The following RGS7 variants were observed in gnomAD, a reference collection of about 807,000 sequenced individuals.
RGS7 encodes regulator of G-protein signaling 7.
Under a neutral mutation model 81.1 loss-of-function variants are expected in RGS7, and 27 were observed. That is an observed-to-expected ratio of 0.33 (90% CI 0.25 to 0.46). The LOEUF (loss-of-function observed/expected upper bound fraction) is 0.46, where lower values mean the gene tolerates loss of function less well. Ranked by LOEUF, RGS7 falls within the 20% of genes least tolerant of loss-of-function variation. The pLI, the probability that RGS7 is intolerant of heterozygous loss-of-function variation, is 1.00. For synonymous variants in RGS7, 208 were observed against 207.7 expected, an observed-to-expected ratio of 1.00 and a Z score of -0.01; for missense variants, 396 against 607.4, an observed-to-expected ratio of 0.65 and a Z score of 3.66.
At chr1:240,949,710 T>C (rs189287081) in intron 4 of RGS7, among the ~76,000 whole-genome samples, 33 of 151,638 alleles carry the variant, frequency 2.2e-4, no homozygotes, top group African/African-American at 7.5e-4. Flanking sequence ...TAGCAGGGCG[T>C]GGTGGTGCAT....
chr1:240,855,348 G>C lies in RGS7; in HGVS notation c.609+13239C>G, dbSNP rs1660909985. Among the ~76,000 whole-genome samples the C allele has an allele frequency of 5.0e-5, 7 of 140,476 alleles. No homozygotes were observed. In the South Asian group the frequency reaches 9.4e-4, roughly 19 times the overall value. The allele number at this position is 140,476 out of a possible 152,430, so 92.2% of individuals were successfully genotyped here. On this transcript the variant is annotated intron_variant, in intron 9 of 18. Transcript: ENST00000440928. ...AAAAAGGAGAAACAAAGAAGAAAAG[G>C]AAGAAATTATCTAAATTTCTTATCC... is the stretch of plus-strand genomic sequence containing the variant.
intron 7 of RGS7, among the ~76,000 whole-genome samples, chr1:240,869,526 T>C (rs1396537682): frequency 6.6e-6 from 1 of 152,250 alleles, no homozygotes; most frequent in Non-Finnish European, 1.5e-5. Context: ...TTCCCTTTTA[T>C]ACTTTGAGTT....
At chr1:241,339,314 G>A (rs750002658) in intron 2 of RGS7, among the ~76,000 whole-genome samples, 13 of 152,126 alleles carry the variant, frequency 8.5e-5, no homozygotes, top group Non-Finnish European at 1.5e-4. Context: ...TTGATTCCAT[G>A]TCTTTGCTAC....
chr1:241,127,927 A>C (rs991754493), intron 2 of RGS7, among the ~76,000 whole-genome samples: 4 of 152,206 alleles, frequency 2.6e-5, no homozygotes, highest in Non-Finnish European at 5.9e-5. Flanking sequence ...ATACTTGAAA[A>C]AAAAGTACAG....
At chr1:240,908,922 A>G (rs1479748296) in intron 6 of RGS7, among the ~76,000 whole-genome samples, 1 of 152,226 alleles carries the variant, frequency 6.6e-6, no homozygotes, top group East Asian at 1.9e-4. Flanking sequence ...CAGGGAAACA[A>G]CATGCAAAAA....
intron 3 of RGS7, among the ~76,000 whole-genome samples, chr1:241,087,582 T>A (rs1185158002): frequency 6.6e-6 from 1 of 152,152 alleles, no homozygotes; most frequent in Non-Finnish European, 1.5e-5. Context: ...AATCAAATAC[T>A]ACTTACTGTT....
chr1:240,939,991 A>T (rs1252047968), intron 4 of RGS7, among the ~76,000 whole-genome samples: 1 of 152,166 alleles, frequency 6.6e-6, no homozygotes, highest in Non-Finnish European at 1.5e-5. Flanking sequence ...GAGGCATGAG[A>T]ACCACCTGAA....
intron 2 of RGS7, among the ~76,000 whole-genome samples, chr1:241,136,572 C>T (rs1029262749): frequency 6.6e-6 from 1 of 152,158 alleles, no homozygotes; most frequent in Non-Finnish European, 1.5e-5. Context: ...GAGCTATAGT[C>T]ACAAAGCTCC....
chr1:240,947,431 C>A (rs1244633469), intron 4 of RGS7, among the ~76,000 whole-genome samples: 1 of 152,124 alleles, frequency 6.6e-6, no homozygotes, highest in African/African-American at 2.4e-5. Context: ...ATCTGAAACC[C>A]ACTCTTCTCG....
chr1:240,997,851 A>G (rs10926391), intron 3 of RGS7, among the ~76,000 whole-genome samples: 71,183 of 151,768 alleles, frequency 0.47, 16,892 homozygotes, highest in East Asian at 0.64. Flanking sequence ...TCAGAAAATC[A>G]GAGAAGATAA....
At chr1:241,297,177 C>T (rs532624862) in intron 2 of RGS7, among the ~76,000 whole-genome samples, 63 of 152,204 alleles carry the variant, frequency 4.1e-4, no homozygotes, top group African/African-American at 1.4e-3. Flanking sequence ...GCTGTATCCC[C>T]AGAACTTAAA....
At chr1:240,802,589 T>C (rs899804039) in intron 16 of RGS7, among the ~76,000 whole-genome samples, 3 of 152,176 alleles carry the variant, frequency 2.0e-5, no homozygotes, top group Non-Finnish European at 4.4e-5. Context: ...TTTGTTACTT[T>C]CTTTTCTTTA....
chr1:240,808,180 A>G (rs893778868), intron 14 of RGS7, among the ~76,000 whole-genome samples: 14 of 152,076 alleles, frequency 9.2e-5, no homozygotes, highest in African/African-American at 2.9e-4. Flanking sequence ...ATGAGTAGAG[A>G]AAAAGATAAA....
chr1:241,226,412 G>T (rs765452225), intron 2 of RGS7, among the ~76,000 whole-genome samples: 33 of 152,282 alleles, frequency 2.2e-4, no homozygotes, highest in Non-Finnish European at 4.0e-4. Flanking sequence ...TGGTAGTTAG[G>T]ATGATTGGAT....
intron 18 of RGS7, among the ~76,000 whole-genome samples, chr1:240,784,525 A>G (rs1684719187): frequency 7.4e-6 from 1 of 135,954 alleles, no homozygotes; most frequent in African/African-American, 2.5e-5. Flanking sequence ...GGGCGCCTGT[A>G]GTCCCAGCTA....
At chr1:240,914,767 TGAA>T (rs1461446282) in intron 6 of RGS7, among the ~76,000 whole-genome samples, 1 of 151,318 alleles carries the variant, frequency 6.6e-6, no homozygotes, top group African/African-American at 2.4e-5. Context: ...AAAAAAAAGC[TGAA>T]GAAGTAAAAA....
At chr1:240,780,440 A>AAAG (rs1683805357) in intron 18 of RGS7, among the ~76,000 whole-genome samples, 2 of 83,090 alleles carry the variant, frequency 2.4e-5, no homozygotes, top group Non-Finnish European at 4.3e-5. Context: ...ACTCTGTCTC[A>AAAG]AAAAAAAAAA....
intron 2 of RGS7, among the ~76,000 whole-genome samples, chr1:241,169,651 G>A (rs1250932154): frequency 1.3e-5 from 2 of 152,012 alleles, no homozygotes; most frequent in African/African-American, 4.8e-5. Flanking sequence ...GCCTGTATAT[G>A]TGTTTCTTTA....
chr1:241,052,740 G>A (rs934055380), intron 3 of RGS7, among the ~76,000 whole-genome samples: 7 of 151,028 alleles, frequency 4.6e-5, no homozygotes, highest in Non-Finnish European at 1.0e-4. Context: ...ATTCCCTGAC[G>A]CAAAGCAATT....
Sources: gnomAD v4.1 joint callset for allele counts (sites outside exome capture counted in the v4.1 genomes callset) on GRCh38, gnomAD v4.1.1 for gene constraint, MANE v1.5 for transcripts, NCBI Gene and HGNC (gene_info 2026-07-23, HGNC 2026-07-21) for gene names.